KTN1: variants seen among roughly 807,000 people sequenced by gnomAD.
KTN1 encodes kinectin.
A neutral mutation model predicts 222.5 loss-of-function variants in KTN1; 130 were observed. That is an observed-to-expected ratio of 0.58 (90% confidence interval 0.51 to 0.68). The LOEUF (loss-of-function observed/expected upper bound fraction) is 0.68, where lower values mean the gene tolerates loss of function less well. KTN1 is among the 30% of genes least tolerant of loss of function. KTN1 has a pLI of 0.00. For missense variants in KTN1, 1,508 were observed against 1,500.4 expected (o/e 1.01, Z -0.08); for synonymous variants, 512 against 496.3 (o/e 1.03, Z -0.42).
chr14:55,637,497 T>C (rs1228753004), intron 11 of KTN1, 133 bp downstream of exon 11: 1 of 734,160 alleles, frequency 1.4e-6, no homozygotes, highest in Non-Finnish European at 2.1e-6. Flanking sequence ...ACTTTGTCTT[T>C]TGAGCACTTG....
At chr14:55,637,887 A>G (rs113845684) in intron 12 of KTN1, 40 bp downstream of exon 12, 16 of 1,505,868 alleles carry the variant, frequency 1.1e-5, no homozygotes, top group Middle Eastern at 3.4e-4. Context: ...AATAACTTGC[A>G]GCCATTTAAA....
chr14:55,671,764 C>A, intron 36 of KTN1, 21 bp from the exon 37 acceptor site: 1 of 1,580,966 alleles, frequency 6.3e-7, no homozygotes, highest in Non-Finnish European at 8.7e-7. Context: ...TTTTTCAAAA[C>A]AACTATGCTT....
intron 28 of KTN1, 130 bp downstream of exon 28, chr14:55,653,726 G>T: frequency 1.6e-6 from 1 of 625,454 alleles, no homozygotes; most frequent in Non-Finnish European, 2.8e-6. Flanking sequence ...TATAATTCCA[G>T]ACGCAAATAG....
intron 18 of KTN1, 70 bp downstream of exon 18, chr14:55,641,830 G>A: frequency 1.0e-6 from 1 of 976,194 alleles, no homozygotes; most frequent in Non-Finnish European, 1.6e-6. Flanking sequence ...TCTTATTTAG[G>A]TACCAAATTA....
intron 1 of KTN1, among the ~76,000 whole-genome samples, chr14:55,600,069 A>G (rs1442925425): frequency 6.6e-6 from 1 of 150,758 alleles, no homozygotes; most frequent in Non-Finnish European, 1.5e-5. Flanking sequence ...TTGATGTTCT[A>G]ATTTACATTT....
chr14:55,622,380 A>G (rs1340031878), intron 5 of KTN1, among the ~76,000 whole-genome samples: 6 of 152,180 alleles, frequency 3.9e-5, no homozygotes, highest in African/African-American at 1.4e-4. Flanking sequence ...TGGCATAATC[A>G]CTGCTATGGC....
chr14:55,656,931 G>T (rs998694248), intron 29 of KTN1, among the ~76,000 whole-genome samples: 1 of 152,120 alleles, frequency 6.6e-6, no homozygotes, highest in Non-Finnish European at 1.5e-5. Context: ...GGCTTATGTA[G>T]CTTTTTTGTT....
intron 29 of KTN1, among the ~76,000 whole-genome samples, chr14:55,657,214 T>G (rs1043422134): frequency 5.9e-5 from 9 of 152,210 alleles, no homozygotes; most frequent in Non-Finnish European, 1.2e-4. Context: ...CTAAGGGCCA[T>G]TTCACCTTCT....
intron 18 of KTN1, chr14:55,644,337 G>A (rs1204642862): frequency 1.4e-6 from 1 of 700,650 alleles, no homozygotes; most frequent in African/African-American, 1.7e-5. Flanking sequence ...TTACCCCATG[G>A]ATTTTTATTC....
At position 55,684,181 on chromosome 14, in the gene KTN1, T is replaced by C; in HGVS notation, c.*78T>C. 9.1e-7 allele frequency: 1 copy of C among 1,101,432 alleles called. No individual in the cohort carries two copies. Among genetic ancestry groups the C allele is most frequent in the Non-Finnish European group, 1.3e-6 (1 of 742,836 alleles). The allele number at this position is 1,101,432 out of a possible 1,614,324, so 68.2% of individuals were successfully genotyped here. On this transcript the variant is annotated 3_prime_UTR_variant, in exon 44 of 44. Transcript: ENST00000395314. ...TGCCAAATTAAAGCCTTATTTATGT[T>C]TTCACCCTTTCTACTTTGTCAGAAA...
intron 5 of KTN1, among the ~76,000 whole-genome samples, chr14:55,622,014 A>G (rs1432080079): frequency 6.6e-6 from 1 of 151,598 alleles, no homozygotes; most frequent in Admixed American, 6.6e-5. Flanking sequence ...ATGCCTGGCT[A>G]ATTTTTGTAT....
chr14:55,644,254 C>A, intron 18 of KTN1: 1 of 496,970 alleles, frequency 2.0e-6, no homozygotes. Flanking sequence ...TAACCCCTTT[C>A]TATCCCACAG....
intron 18 of KTN1, among the ~76,000 whole-genome samples, chr14:55,643,589 CT>C: frequency 6.6e-6 from 1 of 152,296 alleles, no homozygotes; most frequent in East Asian, 1.9e-4. Context: ...TTAGAAACTT[CT>C]GAAACTGTCC....
At chr14:55,645,821 GAGA>G (rs2042228753) in intron 18 of KTN1, among the ~76,000 whole-genome samples, 1 of 152,150 alleles carries the variant, frequency 6.6e-6, no homozygotes, top group Non-Finnish European at 1.5e-5. Context: ...AGGCATTAAA[GAGA>G]AGGGTTTAAT....
chr14:55,636,870 T>G lies in KTN1; in HGVS notation c.1550-328T>G, dbSNP rs1424053097. On this transcript the variant is annotated intron_variant, in intron 10 of 43. Transcript: ENST00000395314. The stretch of plus-strand genomic sequence containing the variant: ...TTTTTCCCAAGAAAATACTCACTTC[T>G]TATTTTGAAGAGAAAAACAGAGCAT... 2.0e-5 allele frequency among the ~76,000 whole-genome samples: 3 copies of G among 152,148 alleles called. No individual in the cohort carries two copies. In the East Asian group the frequency reaches 5.8e-4, roughly 29 times the overall value.
intron 33 of KTN1, among the ~76,000 whole-genome samples, chr14:55,666,637 A>G (rs563877495): frequency 1.3e-5 from 2 of 151,980 alleles, no homozygotes; most frequent in East Asian, 3.9e-4. Context: ...AGTTTTTATG[A>G]TGTGTGGCAT....
At chr14:55,675,630 C>T in intron 40 of KTN1, 1 of 410,410 alleles carries the variant, frequency 2.4e-6, no homozygotes, top group Non-Finnish European at 4.3e-6. Flanking sequence ...AACTGTAGTT[C>T]ATTTCTGTGG....
At chr14:55,638,406 A>G (rs1234140664) in intron 12 of KTN1, among the ~76,000 whole-genome samples, 2 of 151,924 alleles carry the variant, frequency 1.3e-5, no homozygotes, top group Non-Finnish European at 2.9e-5. Flanking sequence ...AAGTATTGTG[A>G]ATTTTGAGCT....
At chr14:55,585,989 A>C (rs1321207821) in intron 1 of KTN1, among the ~76,000 whole-genome samples, 1 of 152,250 alleles carries the variant, frequency 6.6e-6, no homozygotes, top group Non-Finnish European at 1.5e-5. Context: ...ATTGTCTATC[A>C]GGAGACATGA....
Sources: gnomAD v4.1 joint callset for allele counts (sites outside exome capture counted in the v4.1 genomes callset) on GRCh38, gnomAD v4.1.1 for gene constraint, MANE v1.5 for transcripts, NCBI Gene and HGNC (gene_info 2026-07-23, HGNC 2026-07-21) for gene names.